TFAP2B: variants seen among roughly 807,000 people sequenced by gnomAD.
TFAP2B encodes transcription factor AP-2 beta, also known as transcription factor AP-2-beta.
Under a neutral mutation model 44.3 loss-of-function variants are expected in TFAP2B, and 9 were observed. The observed-to-expected ratio is 0.20, with a 90% CI of 0.12 to 0.35. TFAP2B has a LOEUF of 0.35. TFAP2B is among the 10% of genes least tolerant of loss of function. The probability of loss-of-function intolerance (pLI) is 1.00; values close to 1 mark genes in which losing one functional copy is unlikely to be tolerated. For missense variants in TFAP2B, 509 were observed against 600.0 expected, an observed-to-expected ratio of 0.85 and a Z score of 1.59; for synonymous variants, 270 against 263.8, an observed-to-expected ratio of 1.02 and a Z score of -0.23.
At chr6:50,828,831 G>A (rs1205128887) in intron 3 of TFAP2B, 152 bp downstream of exon 3, 1 of 894,732 alleles carries the variant, frequency 1.1e-6, no homozygotes, top group East Asian at 2.6e-5. Context: ...AGGGGAAAGG[G>A]CATGTTGGGA....
rs1485798457 is a variant in TFAP2B, at chr6:50,847,602, G to A, written c.*4210G>A. The A allele has an allele frequency of 2.0e-5, 3 of 152,300 alleles. No homozygotes were observed. Among genetic ancestry groups the A allele is most frequent in the African/African-American group, 7.3e-5 (3 of 41,200 alleles). The allele number at this position is 152,300 out of a possible 1,614,324, so 9.4% of individuals were successfully genotyped here. On this transcript the variant is annotated 3_prime_UTR_variant, in exon 7 of 7. Coordinates refer to ENST00000393655, the MANE Select transcript of TFAP2B (RefSeq NM_003221.4). Reference sequence around the variant, plus strand: ...TCTGATTTACATAAATAAAAAGATTGTTGTGTTTTCATCTTCAGTTTCTTA... The same window carrying A: ...TCTGATTTACATAAATAAAAAGATTATTGTGTTTTCATCTTCAGTTTCTTA...
chr6:50,832,958 A>G (rs1048466177), intron 3 of TFAP2B, among the ~76,000 whole-genome samples: 1 of 152,192 alleles, frequency 6.6e-6, no homozygotes, highest in African/African-American at 2.4e-5. Flanking sequence ...AGGGAGGGGA[A>G]TGAGTTTTGT....
chr6:50,834,997 T>C (rs1160179872), intron 3 of TFAP2B, among the ~76,000 whole-genome samples: 1 of 152,168 alleles, frequency 6.6e-6, no homozygotes, highest in Non-Finnish European at 1.5e-5. Context: ...AACTGGGAGA[T>C]GGACTGTTCC....
At chr6:50,825,686 G>T (rs931786532) in intron 2 of TFAP2B, among the ~76,000 whole-genome samples, 1 of 152,194 alleles carries the variant, frequency 6.6e-6, no homozygotes, top group Non-Finnish European at 1.5e-5. Flanking sequence ...TCGGGGCCAA[G>T]TTGTTGCTGT....
chr6:50,829,310 C>T (rs1770610524), intron 3 of TFAP2B, among the ~76,000 whole-genome samples: 1 of 152,170 alleles, frequency 6.6e-6, no homozygotes, highest in Admixed American at 6.5e-5. Context: ...GTGATATTAA[C>T]AAATGTTTGC....
chr6:50,836,849 A>C (rs1484219044), intron 4 of TFAP2B, among the ~76,000 whole-genome samples: 1 of 152,142 alleles, frequency 6.6e-6, no homozygotes, highest in Non-Finnish European at 1.5e-5. Flanking sequence ...TCTTTCAATA[A>C]CACCACCACC....
intron 5 of TFAP2B, among the ~76,000 whole-genome samples, chr6:50,839,681 T>C (rs1404584947): frequency 1.3e-5 from 2 of 152,256 alleles, no homozygotes; most frequent in East Asian, 3.8e-4. Context: ...ATTTTACATA[T>C]AGTGTTTAAT....
intron 1 of TFAP2B, 123 bp downstream of exon 1, chr6:50,819,095 C>G: frequency 1.0e-6 from 1 of 956,656 alleles, no homozygotes; most frequent in Non-Finnish European, 1.6e-6. Flanking sequence ...GTTTTCTCAG[C>G]TTTTTTTAAC....
chr6:50,823,949 G>A, intron 2 of TFAP2B, 84 bp downstream of exon 2: 1 of 1,410,862 alleles, frequency 7.1e-7, no homozygotes, highest in Non-Finnish European at 9.7e-7. Context: ...GGAGAGGGCA[G>A]CTCTGTCTCT....
chr6:50,843,272 C>T lies in TFAP2B; in HGVS notation c.1263C>T (p.Leu421=). 1 of 1,614,222 alleles carries T rather than the reference C, an allele frequency of 6.2e-7. No individual in the cohort carries two copies. Among genetic ancestry groups the T allele is most frequent in the Non-Finnish European group, 8.5e-7 (1 of 1,180,048 alleles). ...CAALTALQNY[L]TEALKGMDKM... is the part of the protein sequence containing the mutation. ...CGCTCACGGCCCTGCAGAACTATCT[C>T]ACCGAGGCGCTCAAAGGCATGGACA... Residue 421 remains leucine, a synonymous_variant, in exon 7 of 7, where the codon CTC becomes CTT. Coordinates refer to ENST00000393655, the MANE Select transcript of TFAP2B (RefSeq NM_003221.4).
At chr6:50,837,076 C>T (rs1405307436) in intron 4 of TFAP2B, among the ~76,000 whole-genome samples, 1 of 152,208 alleles carries the variant, frequency 6.6e-6, no homozygotes, top group Non-Finnish European at 1.5e-5. Flanking sequence ...TTGTCTGAGA[C>T]AAAACTTTCC....
chr6:50,818,720 T>C (rs1311047618), upstream of TFAP2B: 2 of 623,336 alleles, frequency 3.2e-6, no homozygotes, highest in Non-Finnish European at 5.7e-6. Flanking sequence ...TGTGCAATAA[T>C]GTTTTTTCTC....
intron 1 of TFAP2B, among the ~76,000 whole-genome samples, chr6:50,819,790 C>T (rs867135977): frequency 5.9e-5 from 9 of 152,230 alleles, no homozygotes; most frequent in Middle Eastern, 3.4e-3. Context: ...CGCGGCCAGA[C>T]GGCTCCGCTA....
chr6:50,833,957 T>G (rs1424488817), intron 3 of TFAP2B, among the ~76,000 whole-genome samples: 2 of 152,194 alleles, frequency 1.3e-5, no homozygotes, highest in Non-Finnish European at 2.9e-5. Context: ...TTTATCTAAT[T>G]TATTTCTATA....
At chr6:50,823,981 G>A (rs1161703546) in intron 2 of TFAP2B, 116 bp downstream of exon 2, 1 of 1,128,834 alleles carries the variant, frequency 8.9e-7, no homozygotes, top group Non-Finnish European at 1.3e-6. Context: ...TTGTTCCCAT[G>A]TTTAGAACAG....
In TFAP2B at chr6:50,845,406, A is replaced by G. The variant is rs1315607671; in HGVS notation, c.*2014A>G. 2 of 152,322 alleles carry G rather than the reference A, an allele frequency of 1.3e-5. No homozygotes were observed. The highest frequency in any genetic ancestry group is 4.8e-5 in the African/African-American group (2 of 41,556). 9.4% of individuals were successfully genotyped at this position (152,322 alleles called of 1,614,324 possible). A position where few individuals can be genotyped will look rare whatever the true frequency, so the allele number is the denominator to read the frequency against. On this transcript the variant is annotated 3_prime_UTR_variant, in exon 7 of 7. Coordinates refer to ENST00000393655, the MANE Select transcript of TFAP2B (RefSeq NM_003221.4). ...TTTATTAAAAGAGGAAAGGGAAGTT[A>G]GGAAGCTCGTCTCAGGTCACCAAAA...
At chr6:50,836,639 C>G (rs958909552) in intron 4 of TFAP2B, among the ~76,000 whole-genome samples, 2 of 152,166 alleles carry the variant, frequency 1.3e-5, no homozygotes, top group African/African-American at 4.8e-5. Context: ...CTGAGTACAA[C>G]GCGGAACTAA....
upstream of TFAP2B, chr6:50,818,598 C>A: frequency 2.7e-6 from 1 of 367,716 alleles, no homozygotes; most frequent in Non-Finnish European, 5.0e-6. Flanking sequence ...TTGGAGTCTG[C>A]AGACTGTGTG....
chr6:50,834,414 A>G (rs572728026), intron 3 of TFAP2B, among the ~76,000 whole-genome samples: 30 of 152,312 alleles, frequency 2.0e-4, no homozygotes, highest in Non-Finnish European at 3.5e-4. Context: ...TAGATCCTAA[A>G]ATGCCTACTG....
Sources: gnomAD v4.1 joint callset for allele counts (sites outside exome capture counted in the v4.1 genomes callset) on GRCh38, gnomAD v4.1.1 for gene constraint, MANE v1.5 for transcripts, NCBI Gene and HGNC (gene_info 2026-07-23, HGNC 2026-07-21) for gene names.